STK4: variants seen among roughly 807,000 people sequenced by gnomAD.
The protein encoded by STK4 is serine/threonine-protein kinase 4.
A neutral mutation model predicts 64.9 loss-of-function variants in STK4; 30 were observed. The observed-to-expected ratio is 0.46, with a 90% confidence interval of 0.35 to 0.63. STK4 has a LOEUF of 0.63. Ranked by LOEUF, STK4 falls within the 20% of genes least tolerant of loss-of-function variation. The pLI is 0.01. For synonymous variants in STK4, 177 were observed against 199.0 expected (o/e 0.89, Z 0.93); for missense variants, 466 against 598.5 (o/e 0.78, Z 2.31).
At chr20:44,970,802 A>C (rs1273569021) in intron 1 of STK4, among the ~76,000 whole-genome samples, 1 of 151,970 alleles carries the variant, frequency 6.6e-6, no homozygotes, top group East Asian at 1.9e-4. Flanking sequence ...TTATTGGTAG[A>C]TACACTTGAT....
intron 5 of STK4, among the ~76,000 whole-genome samples, chr20:44,988,533 G>GTGTGTGTGTGTATA (rs1221720136): frequency 4.5e-4 from 46 of 101,580 alleles, no homozygotes; most frequent in African/African-American, 2.1e-3. Context: ...ATGTGTGTGT[G>GTGTGTGTGTGTATA]TATATATATA....
intron 10 of STK4, among the ~76,000 whole-genome samples, chr20:45,047,385 A>G (rs540093669): frequency 5.3e-5 from 8 of 152,342 alleles, no homozygotes; most frequent in African/African-American, 1.9e-4. Context: ...ATGGTTATAT[A>G]TGTGCCGATG....
At chr20:44,983,928 C>A (rs1409205092) in intron 4 of STK4, among the ~76,000 whole-genome samples, 1 of 151,934 alleles carries the variant, frequency 6.6e-6, no homozygotes, top group African/African-American at 2.4e-5. Flanking sequence ...AATCGAATAG[C>A]AAGTTCTTTA....
In STK4 at chr20:45,042,058, G is replaced by A. The variant is rs115976493; in HGVS notation, c.1305+16928G>A. Among the ~76,000 whole-genome samples the A allele has an allele frequency of 8.6e-3, 1,305 of 152,280 alleles. 24 individuals are homozygous for A. The highest frequency in any genetic ancestry group is 0.03 in the African/African-American group (1,231 of 41,558). The stretch of plus-strand genomic sequence containing the variant: ...TTCAGTGTTGTTTATTATTCATCAA[G>A]AAGGTTTCAATGGCTGAAATTTAAA... On this transcript the variant is annotated intron_variant, in intron 10 of 10. Transcript: ENST00000372806.
chr20:45,049,120 G>A (rs1243110626), intron 10 of STK4, among the ~76,000 whole-genome samples: 3 of 152,116 alleles, frequency 2.0e-5, no homozygotes, highest in Non-Finnish European at 4.4e-5. Context: ...GGATCCATCA[G>A]CTGCCGAGGG....
intron 9 of STK4, among the ~76,000 whole-genome samples, chr20:45,016,312 A>G (rs964181695): frequency 4.6e-5 from 7 of 152,210 alleles, no homozygotes; most frequent in African/African-American, 1.7e-4. Flanking sequence ...ATCTTAATAC[A>G]GTGGAATTTA....
In STK4 at chr20:45,021,385, C is replaced by T. The variant is rs1293927461; in HGVS notation, c.1148-3588C>T. ...GCTGCAATGTAATGACAGTGTTATTCACAATAGGAATACTGCTGTCTTCTT... is the reference window on the plus strand; with the variant it reads ...GCTGCAATGTAATGACAGTGTTATTTACAATAGGAATACTGCTGTCTTCTT... On this transcript the variant is annotated intron_variant, in intron 9 of 10. Transcript: ENST00000372806. Among the ~76,000 whole-genome samples, 7 of 152,288 alleles carry T rather than the reference C, an allele frequency of 4.6e-5. No individual in the cohort carries two copies. The East Asian group carries it at 1.3e-3, about 29-fold the overall frequency.
chr20:44,991,239 T>A lies in STK4; in HGVS notation c.526-3851T>A, dbSNP rs6031917. On this transcript the variant is annotated intron_variant, in intron 5 of 10. Transcript: ENST00000372806. ...ATATAGCATGATTTATTTAACTCTTTCCCTACAGTTGGATGTTGGGTGCCC... is the reference window on the plus strand; with the variant it reads ...ATATAGCATGATTTATTTAACTCTTACCCTACAGTTGGATGTTGGGTGCCC... Among the ~76,000 whole-genome samples the A allele has an allele frequency of 8.3e-3, 1,259 of 152,334 alleles. 19 individuals carry two copies. Among genetic ancestry groups the A allele is most frequent in the African/African-American group, 0.029 (1,189 of 41,572 alleles).
At chr20:45,041,150 A>T (rs1011541792) in intron 10 of STK4, among the ~76,000 whole-genome samples, 3 of 151,998 alleles carry the variant, frequency 2.0e-5, no homozygotes, top group African/African-American at 7.2e-5. Flanking sequence ...TTTTTGTTTG[A>T]GGTATTGCTT....
At chr20:45,016,744 G>T (rs961991343) in intron 9 of STK4, among the ~76,000 whole-genome samples, 1 of 152,148 alleles carries the variant, frequency 6.6e-6, no homozygotes. Context: ...CTCCAGTATA[G>T]TTATATTGGT....
At position 45,079,733 on chromosome 20, in the gene STK4, T is replaced by A. The variant is rs1980769978; in HGVS notation, c.*4557T>A. On this transcript the variant is annotated 3_prime_UTR_variant, in exon 11 of 11. Transcript: ENST00000372806. Reference sequence around the variant, plus strand: ...GAAAATCTAATAACACTGGCTTAAGTGCTGACTTGAAATGCTATTTTGTAA... The same window carrying A: ...GAAAATCTAATAACACTGGCTTAAGAGCTGACTTGAAATGCTATTTTGTAA... The A allele has an allele frequency of 6.6e-6, 1 of 152,666 alleles. No individual in the cohort carries two copies. The highest frequency in any genetic ancestry group is 2.1e-4 in the South Asian group (1 of 4,830). The allele number at this position is 152,666 out of a possible 1,614,324, so 9.5% of individuals were successfully genotyped here. A position where few individuals can be genotyped will look rare whatever the true frequency, so the allele number is the denominator to read the frequency against.
intron 10 of STK4, among the ~76,000 whole-genome samples, chr20:45,058,106 C>T (rs1363652438): frequency 6.6e-6 from 1 of 151,158 alleles, no homozygotes; most frequent in South Asian, 2.1e-4. Flanking sequence ...CCTATCTAGA[C>T]CTATTTTATG....
Position 44,971,940 on chromosome 20 carries a change from TG to T in STK4, c.36-137del, listed in dbSNP as rs1462428312. On this transcript the variant is annotated intron_variant, in intron 1 of 10. Coordinates refer to ENST00000372806, the MANE Select transcript of STK4 (RefSeq NM_006282.5). ...CCTGTATCGGCCTCCCAAGAAACCTTGTTTCTTAAAACAGTCTTAACTAGTG... is the reference window on the plus strand; with the variant it reads ...CCTGTATCGGCCTCCCAAGAAACCTTTTTCTTAAAACAGTCTTAACTAGTG... 9.2e-6 allele frequency: 7 copies of T among 760,958 alleles called. No individual in the cohort carries two copies. The African/African-American group carries it at 1.3e-4, about 14-fold the overall frequency. 47.1% of individuals were successfully genotyped at this position (760,958 alleles called of 1,614,324 possible).
intron 9 of STK4, among the ~76,000 whole-genome samples, chr20:45,016,539 G>T (rs2068146257): frequency 6.6e-6 from 1 of 152,164 alleles, no homozygotes; most frequent in Non-Finnish European, 1.5e-5. Context: ...GTATCCAGAT[G>T]TTGGGCCCCC....
At chr20:44,972,305 C>G (rs1215953089) in intron 2 of STK4, 147 bp downstream of exon 2, 3 of 681,562 alleles carry the variant, frequency 4.4e-6, no homozygotes, top group Admixed American at 2.5e-5. Flanking sequence ...TCGCTTTACT[C>G]CAATCCCTAT....
intron 10 of STK4, among the ~76,000 whole-genome samples, chr20:45,033,479 G>C (rs1167005887): frequency 6.6e-6 from 1 of 152,104 alleles, no homozygotes; most frequent in Non-Finnish European, 1.5e-5. Context: ...TCCAGTTTCA[G>C]TCTTTTGCAT....
chr20:44,974,058 A>T (rs1375498616), intron 2 of STK4: 11 of 152,182 alleles, frequency 7.2e-5, no homozygotes, highest in Non-Finnish European at 1.3e-4. Context: ...ATGATTTTTT[A>T]AATTGTATTT....
chr20:44,987,517 T>A (rs561296212), intron 5 of STK4, among the ~76,000 whole-genome samples: 8 of 152,238 alleles, frequency 5.3e-5, no homozygotes, highest in Admixed American at 3.3e-4. Flanking sequence ...TTTATAAAGA[T>A]GAAAAGTAAA....
At position 44,966,620 on chromosome 20, in the gene STK4, T is replaced by C. The variant is rs1046776580; in HGVS notation, c.35+17T>C. 2.4e-6 allele frequency: 3 copies of C among 1,273,222 alleles called. No homozygotes were observed. In the African/African-American group the frequency reaches 4.6e-5, roughly 20 times the overall value. The allele number at this position is 1,273,222 out of a possible 1,614,324, so 78.9% of individuals were successfully genotyped here. On this transcript the variant is annotated intron_variant, in intron 1 of 10. Coordinates refer to ENST00000372806, the MANE Select transcript of STK4 (RefSeq NM_006282.5). Reference sequence around the variant, plus strand: ...GCCGCGCCGGTGAGGGGCCACTGGCTAAGAGGACGGGCATGGGGTCAGGGG... The same window carrying C: ...GCCGCGCCGGTGAGGGGCCACTGGCCAAGAGGACGGGCATGGGGTCAGGGG...
Sources: gnomAD v4.1 joint callset for allele counts (sites outside exome capture counted in the v4.1 genomes callset) on GRCh38, gnomAD v4.1.1 for gene constraint, MANE v1.5 for transcripts, NCBI Gene and HGNC (gene_info 2026-07-23, HGNC 2026-07-21) for gene names.